Variants in SLCO3A1 observed in about 807,000 individuals in gnomAD.
SLCO3A1 encodes solute carrier organic anion transporter family member 3A1, also known as PGE1 transporter.
A neutral mutation model predicts 63.1 loss-of-function variants in SLCO3A1; 27 were observed. That is an observed-to-expected ratio of 0.43 (90% confidence interval 0.32 to 0.59). The LOEUF (loss-of-function observed/expected upper bound fraction) is 0.59. Ranked by LOEUF, SLCO3A1 falls within the 20% of genes least tolerant of loss-of-function variation. The pLI, the probability that SLCO3A1 is intolerant of heterozygous loss-of-function variation, is 0.09. For missense variants in SLCO3A1, 773 were observed against 945.8 expected, an observed-to-expected ratio of 0.82 and a Z score of 2.40; for synonymous variants, 473 against 409.9, an observed-to-expected ratio of 1.15 and a Z score of -1.86.
chr15:91,860,308 C>T lies in SLCO3A1; in HGVS notation c.180+6220C>T, dbSNP rs760526199. ...AGACCTGGATTTGAACTTAGACTTG[C>T]TATTTCCCAGCTCCTGGCAACTTCA... is the stretch of plus-strand genomic sequence containing the variant. On this transcript the variant is annotated intron_variant, in intron 1 of 9. Coordinates refer to ENST00000318445, the MANE Select transcript of SLCO3A1 (RefSeq NM_013272.4). The surrounding 1 kb of genome is among the most constrained non-coding windows in gnomAD (Gnocchi z 5.5). Among the ~76,000 whole-genome samples the T allele has an allele frequency of 6.6e-6, 1 of 152,168 alleles. No individual in the cohort carries two copies. Among genetic ancestry groups the T allele is most frequent in the East Asian group, 1.9e-4 (1 of 5,200 alleles).
At chr15:92,088,759 C>G (rs1264620243) in intron 2 of SLCO3A1, among the ~76,000 whole-genome samples, 1 of 152,200 alleles carries the variant, frequency 6.6e-6, no homozygotes, top group African/African-American at 2.4e-5. Context: ...CTCTCTGGCT[C>G]TGCCATCACA....
At chr15:91,926,566 T>TGTGTGTGTGTGTGTGTGTGC (rs1899021380) in intron 2 of SLCO3A1, among the ~76,000 whole-genome samples, 4 of 90,642 alleles carry the variant, frequency 4.4e-5, no homozygotes, top group African/African-American at 9.8e-5. Context: ...GCCGTGTGTG[T>TGTGTGTGTGTGTGTGTGTGC]GTGTGTGTGT....
At chr15:91,911,765 T>C (rs1429603009) in intron 1 of SLCO3A1, among the ~76,000 whole-genome samples, 1 of 152,124 alleles carries the variant, frequency 6.6e-6, no homozygotes, top group Non-Finnish European at 1.5e-5. Context: ...GAGCTGGGAC[T>C]ACAGGCATGT....
chr15:91,927,575 C>T (rs1012932356), intron 2 of SLCO3A1, among the ~76,000 whole-genome samples: 3 of 152,076 alleles, frequency 2.0e-5, no homozygotes, highest in South Asian at 2.1e-4. Context: ...TTTCGGGTGT[C>T]GGGGGACTGA....
chr15:92,126,138 C>G lies in SLCO3A1; in HGVS notation c.1252C>G (p.Leu418Val). 6.2e-7 allele frequency: 1 copy of G among 1,614,002 alleles called. No individual in the cohort carries two copies. Among genetic ancestry groups the G allele is most frequent in the Non-Finnish European group, 8.5e-7 (1 of 1,180,000 alleles). The change falls in exon 6 of 10, where the codon CTG becomes GTG. Residue 418 changes from leucine (L) to valine (V), a missense_variant. By Grantham distance (32) the Leu-to-Val change is conservative. Coordinates refer to ENST00000318445, the MANE Select transcript of SLCO3A1 (RefSeq NM_013272.4). ...LLVKKLSLSA[L>V]GAIRMAMLVN... Reference sequence around the variant, plus strand: ...GGTGAAGAAGCTCAGCCTGTCTGCCCTGGGGGCCATTCGGATGGCCATGCT... The same window carrying G: ...GGTGAAGAAGCTCAGCCTGTCTGCCGTGGGGGCCATTCGGATGGCCATGCT...
chr15:92,101,797 G>A (rs982223549), intron 3 of SLCO3A1, among the ~76,000 whole-genome samples: 2 of 152,300 alleles, frequency 1.3e-5, no homozygotes, highest in South Asian at 2.1e-4. Flanking sequence ...CGCAGGCCCC[G>A]TCTCCTGTAC....
chr15:91,974,205 G>C (rs1465578075), intron 2 of SLCO3A1, among the ~76,000 whole-genome samples: 3 of 151,944 alleles, frequency 2.0e-5, no homozygotes, highest in Non-Finnish European at 4.4e-5. Flanking sequence ...GCAGGTTCCA[G>C]AAAGCCAGGT....
chr15:91,955,344 T>C lies in SLCO3A1; in HGVS notation c.646+38886T>C, dbSNP rs1037839729. Among the ~76,000 whole-genome samples the C allele has an allele frequency of 3.5e-5, 5 of 143,648 alleles. No individual in the cohort carries two copies. In the South Asian group the frequency reaches 1.2e-3, roughly 34 times the overall value. 94.2% of individuals were successfully genotyped at this position (143,648 alleles called of 152,430 possible). ...CTATGTCATTTTCTTTTTCTTTTTTTTTTTTTGAAACAGAGTCTCGCTCTG... is the reference window on the plus strand; with the variant it reads ...CTATGTCATTTTCTTTTTCTTTTTTCTTTTTTGAAACAGAGTCTCGCTCTG... On this transcript the variant is annotated intron_variant, in intron 2 of 9. Transcript: ENST00000318445.
At chr15:91,977,152 A>G (rs1901147211) in intron 2 of SLCO3A1, among the ~76,000 whole-genome samples, 1 of 152,160 alleles carries the variant, frequency 6.6e-6, no homozygotes, top group Admixed American at 6.5e-5. Context: ...GATTGGATGG[A>G]TGGATACATG....
At chr15:92,155,135 T>A (rs1247911220) in intron 9 of SLCO3A1, 1 of 152,160 alleles carries the variant, frequency 6.6e-6, no homozygotes, top group Non-Finnish European at 1.5e-5. Flanking sequence ...AACTGAACGA[T>A]CTACTCATAG....
In SLCO3A1 at chr15:91,894,545, C is replaced by T. The variant is rs1191005230; in HGVS notation, c.181-21448C>T. ...GATGGGTGGATTAGATGTCTGAAGG[C>T]AGCAGAGGCAATGGAGGAGGGTCCC... On this transcript the variant is annotated intron_variant, in intron 1 of 9. Coordinates refer to ENST00000318445, the MANE Select transcript of SLCO3A1 (RefSeq NM_013272.4). This position sits in a 1 kb window ranked among gnomAD's most constrained non-coding sequence, Gnocchi z 4.8. Among the ~76,000 whole-genome samples, 1 of 152,052 alleles carries T rather than the reference C, an allele frequency of 6.6e-6. No homozygotes were observed. The highest frequency in any genetic ancestry group is 1.9e-4 in the East Asian group (1 of 5,186).
Position 91,925,368 on chromosome 15 carries a change from C to CTTAGT in SLCO3A1, c.646+8911_646+8915dup, listed in dbSNP as rs1291328894. On this transcript the variant is annotated intron_variant, in intron 2 of 9. Transcript: ENST00000318445. ...GGATTTGAGGTTCATGGTCTTCCTC[C>CTTAGT]TTAGTGGGAAGTAAGTTCTTCATTG... Among the ~76,000 whole-genome samples, 3 of 152,074 alleles carry CTTAGT rather than the reference C, an allele frequency of 2.0e-5. No homozygotes were observed. In the East Asian group the frequency reaches 5.8e-4, roughly 29 times the overall value.
intron 2 of SLCO3A1, among the ~76,000 whole-genome samples, chr15:91,964,586 C>G (rs1900586775): frequency 6.6e-6 from 1 of 151,872 alleles, no homozygotes. Flanking sequence ...GAGAAAAGAC[C>G]CTGGTGGAAG....
In SLCO3A1 at chr15:92,165,561, T is replaced by G. The variant is rs2048487380; in HGVS notation, c.*2426T>G. ...CATTTTGGATTTTTTTTCCTAAGATTTTAGGATGAATGTGAAAAAGATGTT... is the reference window on the plus strand; with the variant it reads ...CATTTTGGATTTTTTTTCCTAAGATGTTAGGATGAATGTGAAAAAGATGTT... On this transcript the variant is annotated 3_prime_UTR_variant, in exon 10 of 10. Transcript: ENST00000318445. 1 of 984,212 alleles carries G rather than the reference T, an allele frequency of 1.0e-6. No individual in the cohort carries two copies. The highest frequency in any genetic ancestry group is 1.2e-6 in the Non-Finnish European group (1 of 828,990). The allele number at this position is 984,212 out of a possible 1,614,324, so 61.0% of individuals were successfully genotyped here.
At chr15:92,124,449 G>A (rs534150293) in intron 5 of SLCO3A1, among the ~76,000 whole-genome samples, 1 of 152,216 alleles carries the variant, frequency 6.6e-6, no homozygotes, top group East Asian at 1.9e-4. Flanking sequence ...CAAAACACAG[G>A]CCTGCTTTCT....
rs140761194 is a variant in SLCO3A1 at position 91,954,708 on chromosome 15, AGT to A, written c.646+38252_646+38253del. Among the ~76,000 whole-genome samples the A allele has an allele frequency of 0.012, 1,820 of 152,084 alleles. 33 individuals carry two copies. Among genetic ancestry groups the A allele is most frequent in the African/African-American group, 0.041 (1,714 of 41,454 alleles). On this transcript the variant is annotated intron_variant, in intron 2 of 9. Transcript: ENST00000318445. This position sits in a 1 kb window ranked among gnomAD's most constrained non-coding sequence, Gnocchi z 4.7. ...GAGCCCCTGTGGTTAGAGCCCAATG[AGT>A]GAGGGGGGTAAAGATGGGGAGAGGG...
intron 2 of SLCO3A1, among the ~76,000 whole-genome samples, chr15:91,984,638 A>G (rs1480404822): frequency 6.6e-6 from 1 of 152,208 alleles, no homozygotes; most frequent in Admixed American, 6.5e-5. Context: ...GGTGAAATAA[A>G]CAGTATTGTA....
chr15:91,984,707 G>A (rs1037568374), intron 2 of SLCO3A1, among the ~76,000 whole-genome samples: 1 of 152,188 alleles, frequency 6.6e-6, no homozygotes, highest in African/African-American at 2.4e-5. Context: ...TCAAGACATA[G>A]AGATATTTAG....
Position 92,132,791 on chromosome 15 carries a change from G to A in SLCO3A1, c.1512+4302G>A, listed in dbSNP as rs995009248. Among the ~76,000 whole-genome samples the A allele has an allele frequency of 4.1e-5, 6 of 145,010 alleles. 1 individual carries two copies. Among genetic ancestry groups the A allele is most frequent in the South Asian group, 4.4e-4 (2 of 4,560 alleles). On this transcript the variant is annotated intron_variant, in intron 7 of 9. Transcript: ENST00000318445. ...TGAAATGCCAAGTAGGTTCTGTGGC[G>A]GGGAGGAGGACAGCTCCATTATGGG...
Sources: allele counts gnomAD v4.1 joint callset (sites outside exome capture counted in the v4.1 genomes callset), GRCh38; gene constraint gnomAD v4.1.1; non-coding constraint Gnocchi (gnomAD v3.1); transcripts MANE v1.5; gene names NCBI Gene and HGNC (gene_info 2026-07-23, HGNC 2026-07-21).